The following NOMO1 variants were observed in gnomAD, a reference collection of about 807,000 sequenced individuals.
NOMO1 encodes NODAL modulator 1.
NOMO1 carries 40 observed loss-of-function variants against 133.8 expected under a neutral mutation model. The observed-to-expected ratio is 0.30, with a 90% CI of 0.23 to 0.39. NOMO1 has a LOEUF of 0.39. NOMO1 is among the 10% of genes least tolerant of loss of function. NOMO1 has a pLI of 1.00. For missense variants in NOMO1, 462 were observed against 1,419.9 expected, an observed-to-expected ratio of 0.33 and a Z score of 10.84; for synonymous variants, 236 against 570.5, an observed-to-expected ratio of 0.41 and a Z score of 8.36.
intron 2 of NOMO1, among the ~76,000 whole-genome samples, chr16:14,839,671 C>T (rs945416932): frequency 5.7e-4 from 86 of 150,966 alleles, no homozygotes; most frequent in Admixed American, 1.3e-3. Flanking sequence ...TTAATGCTTT[C>T]AATACCAGAG....
intron 15 of NOMO1, among the ~76,000 whole-genome samples, chr16:14,867,451 G>A (rs1174672278): frequency 1.8e-5 from 1 of 54,788 alleles, no homozygotes; most frequent in African/African-American, 4.2e-5. Context: ...ATCCACCCGC[G>A]TTGGCCTCGC....
At chr16:14,889,861 AG>A (rs1964382830) in intron 29 of NOMO1, among the ~76,000 whole-genome samples, 1 of 151,778 alleles carries the variant, frequency 6.6e-6, no homozygotes, top group African/African-American at 2.4e-5. Flanking sequence ...TCCATGAGGG[AG>A]CACATGGTAC....
Position 14,889,118 on chromosome 16 carries a change from C to G in NOMO1, c.3347C>G (p.Ser1116Cys), listed in dbSNP as rs756854203. The change falls in exon 29 of 31, where the codon TCC becomes TGC. Residue 1116 changes from serine (S) to cysteine (C), a missense_variant. Transcript: ENST00000287667. Reference protein sequence around the residue: ...DGENYVVLLDSTLPRSQYDYI... With the variant: ...DGENYVVLLDCTLPRSQYDYI... ...CAGAACTATGTTGTGCTTCTGGACT[C>G]CACACTCCCCAGATCCCAGTATGAC... is the stretch of plus-strand genomic sequence containing the variant. 6.2e-7 allele frequency: 1 copy of G among 1,611,782 alleles called. No homozygotes were observed. The highest frequency in any genetic ancestry group is 8.5e-7 in the Non-Finnish European group (1 of 1,179,822).
chr16:14,879,146 A>C (rs1212608428), intron 23 of NOMO1, among the ~76,000 whole-genome samples: 1 of 151,938 alleles, frequency 6.6e-6, no homozygotes, highest in African/African-American at 2.4e-5. Flanking sequence ...AATCATGCTT[A>C]TGATGCTGAG....
At chr16:14,869,020 C>T (rs1317319602) in intron 16 of NOMO1, among the ~76,000 whole-genome samples, 2 of 151,742 alleles carry the variant, frequency 1.3e-5, no homozygotes, top group Non-Finnish European at 2.9e-5. Context: ...CTCACTGCAG[C>T]CTCCGCCTCC....
At position 14,842,975 on chromosome 16, in the gene NOMO1, C is replaced by G. The variant is rs2151892923; in HGVS notation, c.301+1568C>G. 2.7e-5 allele frequency among the ~76,000 whole-genome samples: 4 copies of G among 146,784 alleles called. 1 individual carries two copies. In the East Asian group the frequency reaches 7.9e-4, roughly 29 times the overall value. ...ACTGAGTCTCGCTCTGTTGCCCAGG[C>G]TGGAGTGTGATCTCAGTTCACTGCA... is the stretch of plus-strand genomic sequence containing the variant. On this transcript the variant is annotated intron_variant, in intron 3 of 30. Coordinates refer to ENST00000287667, the MANE Select transcript of NOMO1 (RefSeq NM_014287.4).
intron 29 of NOMO1, among the ~76,000 whole-genome samples, chr16:14,893,534 G>C (rs549387995): frequency 1.1e-3 from 161 of 152,012 alleles, no homozygotes; most frequent in African/African-American, 3.6e-3. Flanking sequence ...AAATGGGTTG[G>C]GTTCTAAGAG....
chr16:14,881,111 A>G (rs1436729841), intron 24 of NOMO1, among the ~76,000 whole-genome samples: 2 of 151,912 alleles, frequency 1.3e-5, no homozygotes, highest in African/African-American at 4.8e-5. Context: ...ATACACACAT[A>G]TATGTGTATT....
At chr16:14,873,972 A>G (rs578220705) in intron 18 of NOMO1, among the ~76,000 whole-genome samples, 121 of 151,480 alleles carry the variant, frequency 8.0e-4, no homozygotes, top group African/African-American at 2.6e-3. Context: ...TGGCTTTACA[A>G]TCAAAATACA....
Position 14,882,580 on chromosome 16 carries a change from G to C in NOMO1, c.3028-14G>C, listed in dbSNP as rs1945990980. 6.2e-7 allele frequency: 1 copy of C among 1,611,510 alleles called. No homozygotes were observed. The highest frequency in any genetic ancestry group is 8.5e-7 in the Non-Finnish European group (1 of 1,179,812). On this transcript the variant is annotated splice_polypyrimidine_tract_variant and intron_variant, in intron 25 of 30. Coordinates refer to ENST00000287667, the MANE Select transcript of NOMO1 (RefSeq NM_014287.4). ...CCCCCTTTCTAGAGAGCTGACTCCT[G>C]AGTTTTTTTGCAGCCGGGATGTGTG...
intron 18 of NOMO1, among the ~76,000 whole-genome samples, chr16:14,874,009 T>G (rs934141497): frequency 6.7e-6 from 1 of 149,410 alleles, no homozygotes; most frequent in African/African-American, 2.4e-5. Flanking sequence ...TTTTTACCAC[T>G]TGGCCCTCAG....
intron 11 of NOMO1, among the ~76,000 whole-genome samples, chr16:14,860,828 A>T (rs191979186): frequency 2.6e-5 from 4 of 152,164 alleles, no homozygotes; most frequent in African/African-American, 9.6e-5. Context: ...CCTTTTTAGC[A>T]CACTGATACT....
chr16:14,867,157 T>G (rs1200521562), intron 15 of NOMO1, among the ~76,000 whole-genome samples: 1 of 19,992 alleles, frequency 5.0e-5, no homozygotes, highest in African/African-American at 1.3e-4. Flanking sequence ...CTGATATATA[T>G]ATATATATAT....
chr16:14,855,503 C>T (rs944301209), intron 9 of NOMO1, among the ~76,000 whole-genome samples: 31 of 151,914 alleles, frequency 2.0e-4, no homozygotes, highest in Non-Finnish European at 4.3e-4. Context: ...GTGTTAAAAT[C>T]GCTTAAACTG....
intron 1 of NOMO1, among the ~76,000 whole-genome samples, chr16:14,838,195 G>A (rs988041034): frequency 2.4e-4 from 36 of 152,104 alleles, no homozygotes; most frequent in Non-Finnish European, 5.9e-5. Flanking sequence ...GTAATAGGCT[G>A]TAGATGGTTT....
intron 29 of NOMO1, among the ~76,000 whole-genome samples, chr16:14,889,466 A>C (rs1964375965): frequency 6.6e-6 from 1 of 152,078 alleles, no homozygotes; most frequent in Non-Finnish European, 1.5e-5. Context: ...TGGGAGGTTG[A>C]GGCCTCGATG....
intron 29 of NOMO1, among the ~76,000 whole-genome samples, chr16:14,890,939 A>AT (rs1200558757): frequency 1.4e-4 from 14 of 101,678 alleles, no homozygotes; most frequent in Non-Finnish European, 2.5e-4. Context: ...GTTTTCTGCT[A>AT]TTACACATAA....
chr16:14,839,156 G>A (rs544977030), intron 2 of NOMO1, among the ~76,000 whole-genome samples: 1 of 151,904 alleles, frequency 6.6e-6, no homozygotes, highest in Admixed American at 6.6e-5. Context: ...CCAGGTTCAA[G>A]CCATTTTCCT....
intron 23 of NOMO1, among the ~76,000 whole-genome samples, chr16:14,879,792 T>C (rs1964216088): frequency 2.0e-5 from 3 of 150,070 alleles, no homozygotes; most frequent in African/African-American, 7.3e-5. Flanking sequence ...TCTACCTCTC[T>C]GAGTCATTGC....
Sources: gnomAD v4.1 joint callset for allele counts (sites outside exome capture counted in the v4.1 genomes callset) on GRCh38, gnomAD v4.1.1 for gene constraint, MANE v1.5 for transcripts, NCBI Gene and HGNC (gene_info 2026-07-23, HGNC 2026-07-21) for gene names.